The following NCKAP5 variants were observed in gnomAD, a reference collection of about 807,000 sequenced individuals.
NCKAP5 encodes nck-associated protein 5.
Under a neutral mutation model 167.0 loss-of-function variants are expected in NCKAP5, and 92 were observed. The ratio of observed to expected loss-of-function variants is 0.55; its 90% CI spans 0.47 to 0.66. The LOEUF (loss-of-function observed/expected upper bound fraction) is 0.66, where lower values mean the gene tolerates loss of function less well. Ranked by LOEUF, NCKAP5 falls within the 30% of genes least tolerant of loss-of-function variation. The pLI, the probability that NCKAP5 is intolerant of heterozygous loss-of-function variation, is 0.00. For synonymous variants in NCKAP5, 891 were observed against 877.4 expected (o/e 1.02, Z -0.27); for missense variants, 2,378 against 2,315.0 (o/e 1.03, Z -0.56).
chr2:133,228,781 G>C (rs185952160), intron 4 of NCKAP5, among the ~76,000 whole-genome samples: 2 of 152,232 alleles, frequency 1.3e-5, no homozygotes, highest in Admixed American at 6.5e-5. Context: ...TCAAGACACA[G>C]ACCCTTTTAA....
intron 11 of NCKAP5, among the ~76,000 whole-genome samples, chr2:132,849,028 A>C (rs894099883): frequency 1.3e-5 from 2 of 152,188 alleles, no homozygotes; most frequent in African/African-American, 4.8e-5. Context: ...TGAATGAATA[A>C]AGGGTAAAAG....
At chr2:132,709,079 T>C (rs1688613914) in intron 19 of NCKAP5, among the ~76,000 whole-genome samples, 1 of 152,154 alleles carries the variant, frequency 6.6e-6, no homozygotes, top group Non-Finnish European at 1.5e-5. Flanking sequence ...TTGTAAAACT[T>C]TCCTATTATT....
the NCKAP5 span, among the ~76,000 whole-genome samples, chr2:133,591,627 C>CAAAAA: frequency 6.6e-6 from 1 of 152,142 alleles, no homozygotes; most frequent in Non-Finnish European, 1.5e-5. Context: ...GCTTGGGCGG[C>CAAAAA]ACAAAACAAA....
chr2:133,043,656 A>G lies in NCKAP5; in HGVS notation c.342-49417T>C, dbSNP rs150346647. On this transcript the variant is annotated intron_variant, in intron 6 of 19. Coordinates refer to ENST00000409261, the MANE Select transcript of NCKAP5 (RefSeq NM_207363.3). ...GACAAGCTTGCTCTAATTGTTTCAT[A>G]AGAGTTAACATTGAATACCTAGAAA... Among the ~76,000 whole-genome samples the G allele has an allele frequency of 2.6e-3, 389 of 152,312 alleles. 2 individuals carry two copies. The highest frequency in any genetic ancestry group is 0.02 in the Middle Eastern group (6 of 294).
intron 6 of NCKAP5, among the ~76,000 whole-genome samples, chr2:133,094,654 T>C (rs555410478): frequency 2.6e-5 from 4 of 152,328 alleles, no homozygotes; most frequent in African/African-American, 9.6e-5. Flanking sequence ...TATCACACCC[T>C]GATTATGTTA....
chr2:133,542,460 G>T (rs115665953), intron 2 of NCKAP5, among the ~76,000 whole-genome samples: 99 of 152,282 alleles, frequency 6.5e-4, no homozygotes, highest in African/African-American at 2.1e-3. Flanking sequence ...GGTAAACGGG[G>T]AGAGATTGCT....
chr2:133,530,085 C>T (rs1236462534), intron 2 of NCKAP5, among the ~76,000 whole-genome samples: 1 of 152,080 alleles, frequency 6.6e-6, no homozygotes, highest in African/African-American at 2.4e-5. Flanking sequence ...TTTATGGTAC[C>T]ATCTGAAGAT....
intron 3 of NCKAP5, among the ~76,000 whole-genome samples, chr2:133,490,899 G>A (rs1316771817): frequency 2.6e-5 from 4 of 152,222 alleles, no homozygotes; most frequent in African/African-American, 9.7e-5. Context: ...TATAATGTAA[G>A]TTTTATGATT....
intron 6 of NCKAP5, chr2:133,116,995 G>A (rs1357046540): frequency 6.6e-6 from 1 of 152,104 alleles, no homozygotes; most frequent in Non-Finnish European, 1.5e-5. Context: ...TAATGGTTAA[G>A]ACCTAGGGTA....
chr2:133,174,063 C>A (rs1425432959), intron 5 of NCKAP5, among the ~76,000 whole-genome samples: 1 of 152,124 alleles, frequency 6.6e-6, no homozygotes, highest in African/African-American at 2.4e-5. Context: ...ATCAATTTTT[C>A]TCCTAATATT....
intron 3 of NCKAP5, among the ~76,000 whole-genome samples, chr2:133,513,486 G>A (rs1267623432): frequency 6.6e-6 from 1 of 152,218 alleles, no homozygotes; most frequent in Non-Finnish European, 1.5e-5. Context: ...GATTGGCCAG[G>A]TAGAGAAGGA....
chr2:133,008,527 G>T (rs2078047548), intron 6 of NCKAP5, among the ~76,000 whole-genome samples: 1 of 152,178 alleles, frequency 6.6e-6, no homozygotes, highest in Non-Finnish European at 1.5e-5. Context: ...AACCTTCCAA[G>T]ATTCACTGGC....
chr2:133,392,130 A>G (rs1018966330), intron 3 of NCKAP5, among the ~76,000 whole-genome samples: 5 of 152,222 alleles, frequency 3.3e-5, no homozygotes, highest in African/African-American at 1.2e-4. Context: ...TGGGCTGCAT[A>G]TGGACACTTG....
the NCKAP5 span, among the ~76,000 whole-genome samples, chr2:133,585,721 T>C: frequency 0.032 from 4,945 of 152,326 alleles, 152 homozygotes; most frequent in East Asian, 0.17. Context: ...ACAGCAGTCC[T>C]ATGCATTATT....
chr2:133,012,534 G>C (rs1247277668), intron 6 of NCKAP5, among the ~76,000 whole-genome samples: 1 of 151,976 alleles, frequency 6.6e-6, no homozygotes, highest in African/African-American at 2.4e-5. Flanking sequence ...AGGCGTGTCA[G>C]AGTGGTTTCT....
intron 5 of NCKAP5, among the ~76,000 whole-genome samples, chr2:133,181,165 C>T (rs977874918): frequency 2.6e-5 from 4 of 151,920 alleles, no homozygotes; most frequent in Admixed American, 2.0e-4. Context: ...AAATGTGTGT[C>T]AAGGAAATCT....
At chr2:132,844,160 C>G (rs925401716) in intron 11 of NCKAP5, among the ~76,000 whole-genome samples, 117 of 152,182 alleles carry the variant, frequency 7.7e-4, no homozygotes, top group Middle Eastern at 3.4e-3. Flanking sequence ...AATACGTTTT[C>G]TTTAAAGAGC....
intron 3 of NCKAP5, among the ~76,000 whole-genome samples, chr2:133,317,634 G>A (rs569275197): frequency 6.6e-6 from 1 of 152,268 alleles, no homozygotes; most frequent in South Asian, 2.1e-4. Flanking sequence ...GTTATGTGGA[G>A]AGCCCTGCAT....
intron 5 of NCKAP5, among the ~76,000 whole-genome samples, chr2:133,185,477 G>GTT: frequency 6.6e-6 from 1 of 150,976 alleles, no homozygotes; most frequent in African/African-American, 2.4e-5. Flanking sequence ...TTTTAGAACA[G>GTT]TTTTTTTTTC....
Sources: gnomAD v4.1 joint callset for allele counts (sites outside exome capture counted in the v4.1 genomes callset) on GRCh38, gnomAD v4.1.1 for gene constraint, MANE v1.5 for transcripts, NCBI Gene and HGNC (gene_info 2026-07-23, HGNC 2026-07-21) for gene names.